The following DCT variants were observed in gnomAD, a reference collection of about 807,000 sequenced individuals.
DCT encodes the protein dopachrome tautomerase, also known as L-dopachrome tautomerase.
DCT carries 47 observed loss-of-function variants against 53.0 expected under a neutral mutation model. The observed-to-expected ratio is 0.89, with a 90% CI of 0.70 to 1.13. DCT has a LOEUF of 1.13. Among genes scored for constraint, DCT ranks in the 50% most tolerant of loss-of-function variants. The probability of loss-of-function intolerance (pLI) is 0.00; values close to 1 mark genes in which losing one functional copy is unlikely to be tolerated. For synonymous variants in DCT, 244 were observed against 237.0 expected, an observed-to-expected ratio of 1.03 and a Z score of -0.27; for missense variants, 669 against 637.4, an observed-to-expected ratio of 1.05 and a Z score of -0.53.
chr13:94,475,935 G>GA (rs1885046608), intron 1 of DCT, among the ~76,000 whole-genome samples: 1 of 152,174 alleles, frequency 6.6e-6, no homozygotes, highest in Non-Finnish European at 1.5e-5. Flanking sequence ...TGTAGGTGTG[G>GA]AAAGAGTTCT....
At chr13:94,482,512 TCTTCATAGCA>T (rs1371797883), upstream of DCT, among the ~76,000 whole-genome samples, 2 of 152,232 alleles carry the variant, frequency 1.3e-5, no homozygotes, top group African/African-American at 4.8e-5. Flanking sequence ...TATTTTATTT[TCTTCATAGCA>T]CTTATCACCA....
intron 6 of DCT, among the ~76,000 whole-genome samples, chr13:94,444,906 C>G (rs1366441808): frequency 6.6e-6 from 1 of 152,180 alleles, no homozygotes; most frequent in Non-Finnish European, 1.5e-5. Flanking sequence ...GGACTTTTCA[C>G]CTTTGAAGTC....
At chr13:94,444,373 C>T (rs1375365841) in intron 6 of DCT, 1 of 516,576 alleles carries the variant, frequency 1.9e-6, no homozygotes, top group South Asian at 1.4e-5. Flanking sequence ...CAGGAATACT[C>T]TTCTGTCTAC....
Position 94,462,160 on chromosome 13 carries a change from A to T in DCT, c.893T>A (p.Leu298Ter). The change falls in exon 5 of 8, where the codon TTG (leucine) becomes TAG (stop). Residue 298 changes from leucine (L) to a stop codon, truncating the protein, a stop_gained. Coordinates refer to ENST00000377028, the MANE Select transcript of DCT (RefSeq NM_001922.5). LOFTEE classifies it high-confidence loss of function. The part of the protein sequence containing the change: ...SLDDYNHLVT[L>*]CNGTYEGLLR... ...CAAACCTTCATAGGTTCCATTGCAC[A>T]AGGTGACCAGGTGGTTGTAGTCATC... The T allele has an allele frequency of 6.2e-7, 1 of 1,613,470 alleles. No individual in the cohort carries two copies. Among genetic ancestry groups the T allele is most frequent in the Non-Finnish European group, 8.5e-7 (1 of 1,179,646 alleles).
upstream of DCT, among the ~76,000 whole-genome samples, chr13:94,481,955 A>G (rs1434633295): frequency 6.6e-6 from 1 of 152,220 alleles, no homozygotes; most frequent in African/African-American, 2.4e-5. Context: ...TGTGCTACTC[A>G]AAGTGTGGCC....
intron 6 of DCT, chr13:94,444,276 A>G: frequency 3.0e-6 from 1 of 332,542 alleles, no homozygotes; most frequent in Non-Finnish European, 6.0e-6. Context: ...TCAAAATCCC[A>G]AACACTTCTG....
intron 2 of DCT, 39 bp from the exon 3 acceptor site, chr13:94,466,697 G>C: frequency 7.2e-7 from 1 of 1,397,636 alleles, no homozygotes; most frequent in Middle Eastern, 1.8e-4. Context: ...TGACAGAATA[G>C]AATTTTTTAA....
chr13:94,510,698 C>T, the DCT span, among the ~76,000 whole-genome samples: 1 of 152,116 alleles, frequency 6.6e-6, no homozygotes, highest in Admixed American at 6.5e-5. Context: ...CTGAGTGGTG[C>T]CATCTTTCTC....
the DCT span, among the ~76,000 whole-genome samples, chr13:94,512,018 C>T: frequency 1.3e-5 from 2 of 152,252 alleles, no homozygotes; most frequent in South Asian, 2.1e-4. Context: ...TGCATGATAC[C>T]ACACCTGGTT....
chr13:94,532,262 T>C, the DCT span, among the ~76,000 whole-genome samples: 13 of 152,134 alleles, frequency 8.5e-5, no homozygotes, highest in Admixed American at 6.5e-5. Flanking sequence ...GAAATACCAT[T>C]TGACCCCGCC....
At chr13:94,504,518 C>A in the DCT span, among the ~76,000 whole-genome samples, 2 of 152,138 alleles carry the variant, frequency 1.3e-5, no homozygotes, top group Non-Finnish European at 2.9e-5. Flanking sequence ...CAGGTGCCTG[C>A]CACAATGCCC....
intron 1 of DCT, among the ~76,000 whole-genome samples, chr13:94,469,645 GCA>G (rs1312758143): frequency 2.0e-5 from 3 of 152,162 alleles, no homozygotes; most frequent in Non-Finnish European, 4.4e-5. Context: ...GCAGACTCAT[GCA>G]CACACTCCTT....
chr13:94,485,088 G>A, the DCT span, among the ~76,000 whole-genome samples: 28 of 128,528 alleles, frequency 2.2e-4, no homozygotes, highest in Admixed American at 6.5e-4. Context: ...CTTGAGACAC[G>A]TCACTCAAAC....
intron 5 of DCT, among the ~76,000 whole-genome samples, chr13:94,461,427 C>T (rs182242385): frequency 1.9e-4 from 29 of 152,252 alleles, no homozygotes; most frequent in South Asian, 4.1e-4. Flanking sequence ...CAGGTGGTCT[C>T]AAACTCCTGG....
Position 94,439,613 on chromosome 13 carries a change from CT to C in DCT, c.*284del. The C allele has an allele frequency of 1.0e-5, 2 of 196,828 alleles. No homozygotes were observed. Among genetic ancestry groups the C allele is most frequent in the Non-Finnish European group, 2.0e-5 (2 of 101,166 alleles). The allele number at this position is 196,828 out of a possible 1,614,324, so 12.2% of individuals were successfully genotyped here. ...TAAATGCTTTCAGAAAAGGAGGAGG[CT>C]TAATCAATATTGGGGGGGGGGTTAT... On this transcript the variant is annotated 3_prime_UTR_variant, in exon 8 of 8. Transcript: ENST00000377028.
At chr13:94,507,136 G>T in the DCT span, among the ~76,000 whole-genome samples, 1 of 152,080 alleles carries the variant, frequency 6.6e-6, no homozygotes, top group Non-Finnish European at 1.5e-5. Context: ...ATCAGAAAAG[G>T]GACATTAGAA....
the DCT span, among the ~76,000 whole-genome samples, chr13:94,548,493 T>C: frequency 6.6e-6 from 1 of 152,106 alleles, no homozygotes; most frequent in African/African-American, 2.4e-5. Context: ...TCTATTTTCC[T>C]ACGACACAAA....
the DCT span, among the ~76,000 whole-genome samples, chr13:94,491,869 G>A: frequency 1.3e-5 from 2 of 152,156 alleles, no homozygotes; most frequent in Admixed American, 6.5e-5. Context: ...CATGGTCTCT[G>A]TGAACCATAT....
chr13:94,465,796 G>A lies in DCT; in HGVS notation c.700C>T (p.Leu234Phe). Residue 234 changes from leucine (L) to phenylalanine (F), a missense_variant, in exon 4 of 8, where the codon CTC becomes TTC. Coordinates refer to ENST00000377028, the MANE Select transcript of DCT (RefSeq NM_001922.5). ...AAAGCAAAAGACTCATTGCCAATGA[G>A]TCGCTAAAAGCAAAGGGCAGGCCTA... is the stretch of plus-strand genomic sequence containing the variant. ...LLCLERDLQR[L>F]IGNESFALPY... 7.5e-6 allele frequency: 12 copies of A among 1,610,096 alleles called. No individual in the cohort carries two copies. Among genetic ancestry groups the A allele is most frequent in the Non-Finnish European group, 1.0e-5 (12 of 1,178,078 alleles).
Sources: gnomAD v4.1 joint callset for allele counts (sites outside exome capture counted in the v4.1 genomes callset) on GRCh38, gnomAD v4.1.1 for gene constraint, MANE v1.5 for transcripts, NCBI Gene and HGNC (gene_info 2026-07-23, HGNC 2026-07-21) for gene names.